The following YWHAQ variants were observed in gnomAD, a reference collection of about 807,000 sequenced individuals.
YWHAQ encodes 14-3-3 protein theta.
Under a neutral mutation model 28.3 loss-of-function variants are expected in YWHAQ, and 6 were observed. The observed-to-expected ratio is 0.21, with a 90% CI of 0.12 to 0.42. The LOEUF is 0.42. Ranked by LOEUF, YWHAQ falls within the 10% of genes least tolerant of loss-of-function variation. The probability of loss-of-function intolerance (pLI) is 1.00; values close to 1 mark genes in which losing one functional copy is unlikely to be tolerated. For missense variants in YWHAQ, 201 were observed against 305.6 expected, an observed-to-expected ratio of 0.66 and a Z score of 2.55; for synonymous variants, 143 against 119.1, an observed-to-expected ratio of 1.20 and a Z score of -1.31.
intron 2 of YWHAQ, among the ~76,000 whole-genome samples, chr2:9,607,195 ACTTTTTTTTTT>A (rs1483014410): frequency 1.2e-3 from 150 of 128,824 alleles, no homozygotes; most frequent in African/African-American, 3.9e-3. Context: ...TTTTTCTATT[ACTTTTTTTTTT>A]CTTTTTTTTT....
At chr2:9,591,068 C>T (rs918473431) in intron 3 of YWHAQ, among the ~76,000 whole-genome samples, 1 of 152,152 alleles carries the variant, frequency 6.6e-6, no homozygotes, top group Non-Finnish European at 1.5e-5. Context: ...CAGAATCACT[C>T]ATAAAGTTTA....
At chr2:9,609,295 TA>T (rs757915759) in intron 2 of YWHAQ, among the ~76,000 whole-genome samples, 7 of 148,556 alleles carry the variant, frequency 4.7e-5, no homozygotes, top group East Asian at 3.9e-4. Flanking sequence ...GCTTTTAGAA[TA>T]AAAAAAAATG....
At chr2:9,602,856 AAAAAAAATATATATATATATATATATAT>A (rs1375722530) in intron 2 of YWHAQ, among the ~76,000 whole-genome samples, 3 of 13,112 alleles carry the variant, frequency 2.3e-4, no homozygotes, top group African/African-American at 8.7e-4. Context: ...AAAAAAAAAA[AAAAAAAATATATATATATATATATATAT>A]ATATATATAT....
chr2:9,621,318 T>A lies in YWHAQ; in HGVS notation c.294+8841A>T, dbSNP rs78937616. 3.6e-3 allele frequency among the ~76,000 whole-genome samples: 543 copies of A among 152,258 alleles called. 5 individuals are homozygous for A. Among genetic ancestry groups the A allele is most frequent in the African/African-American group, 0.012 (517 of 41,544 alleles). ...AAAAAGTGATGGTGCCAGTGATGTC[T>A]CCTAAGTGGGGATCAATACCGTTCT... On this transcript the variant is annotated intron_variant, in intron 2 of 5. Coordinates refer to ENST00000238081, the MANE Select transcript of YWHAQ (RefSeq NM_006826.4).
chr2:9,597,660 G>GA (rs796972453), intron 2 of YWHAQ, among the ~76,000 whole-genome samples: 2,180 of 141,984 alleles, frequency 0.015, 50 homozygotes, highest in African/African-American at 0.054. Flanking sequence ...AAAAGAAAAA[G>GA]AAAAAAAAAT....
At position 9,584,557 on chromosome 2, in the gene YWHAQ, T is replaced by C. The variant is rs1666306972; in HGVS notation, c.*729A>G. 1 of 152,680 alleles carries C rather than the reference T, an allele frequency of 6.5e-6. No individual in the cohort carries two copies. Among genetic ancestry groups the C allele is most frequent in the African/African-American group, 2.4e-5 (1 of 41,462 alleles). The allele number at this position is 152,680 out of a possible 1,614,324, so 9.5% of individuals were successfully genotyped here. A position where few individuals can be genotyped will look rare whatever the true frequency, so the allele number is the denominator to read the frequency against. The stretch of plus-strand genomic sequence containing the variant: ...TTTGCCAAAAGCAATGCTTGTATTC[T>C]GGCAGCAACATGCTACTTCTATCAC... On this transcript the variant is annotated 3_prime_UTR_variant, in exon 6 of 6. Transcript: ENST00000238081.
At chr2:9,605,556 TTTG>T (rs1312390980) in intron 2 of YWHAQ, among the ~76,000 whole-genome samples, 21 of 152,260 alleles carry the variant, frequency 1.4e-4, no homozygotes, top group African/African-American at 2.6e-4. Context: ...GTACATTCTT[TTTG>T]TTGTTGTTGT....
At chr2:9,621,224 G>A (rs184122674) in intron 2 of YWHAQ, among the ~76,000 whole-genome samples, 193 of 152,166 alleles carry the variant, frequency 1.3e-3, no homozygotes, top group Non-Finnish European at 2.2e-3. Context: ...CCCAGAGTAT[G>A]GCCAATTAAG....
Position 9,591,475 on chromosome 2 carries a change from G to A in YWHAQ, c.335C>T (p.Pro112Leu), listed in dbSNP as rs1305026555. The A allele has an allele frequency of 1.2e-6, 2 of 1,609,676 alleles. No homozygotes were observed. The highest frequency in any genetic ancestry group is 1.7e-6 in the Non-Finnish European group (2 of 1,176,878). The change falls in exon 3 of 6, where the codon CCA becomes CTA. Residue 112 changes from proline to leucine, a missense_variant. Physicochemically the swap from Pro to Leu is moderately conservative, Grantham distance 98. Around this residue, in one of 2 missense-constraint regions of YWHAQ, gnomAD observed 162 missense variants for 213.9 expected, o/e 0.76. Coordinates refer to ENST00000238081, the MANE Select transcript of YWHAQ (RefSeq NM_006826.4). Reference protein sequence around the residue: ...DKYLIANATNPESKVFYLKMK... With the variant: ...DKYLIANATNLESKVFYLKMK... ...TTTCAGATAGAAGACCTTACTCTCT[G>A]GATTAGTTGCATTGGCTATTAAATA... is the stretch of plus-strand genomic sequence containing the variant.
intron 2 of YWHAQ, among the ~76,000 whole-genome samples, chr2:9,602,559 T>C (rs901108672): frequency 6.6e-6 from 1 of 150,904 alleles, no homozygotes; most frequent in Admixed American, 6.6e-5. Context: ...TACAGGTGAG[T>C]CCCACCACCC....
chr2:9,611,537 T>C (rs559034135), intron 2 of YWHAQ, among the ~76,000 whole-genome samples: 1 of 152,280 alleles, frequency 6.6e-6, no homozygotes, highest in East Asian at 1.9e-4. Flanking sequence ...ACAAGAGTAA[T>C]GCTAACCCTC....
chr2:9,596,308 C>T (rs913034254), intron 2 of YWHAQ, among the ~76,000 whole-genome samples: 7 of 151,622 alleles, frequency 4.6e-5, no homozygotes, highest in African/African-American at 1.7e-4. Flanking sequence ...ACAATCCTAC[C>T]GTCACTTCAA....
At chr2:9,597,561 G>A (rs972179802) in intron 2 of YWHAQ, among the ~76,000 whole-genome samples, 3 of 146,518 alleles carry the variant, frequency 2.0e-5, no homozygotes, top group African/African-American at 7.7e-5. Flanking sequence ...CAGGAGAATC[G>A]CTTGAAACTG....
chr2:9,602,593 G>A (rs985132041), intron 2 of YWHAQ, among the ~76,000 whole-genome samples: 11 of 151,012 alleles, frequency 7.3e-5, no homozygotes, highest in Non-Finnish European at 1.2e-4. Context: ...AGCCTGGAAC[G>A]GAGTGCAGTG....
intron 2 of YWHAQ, among the ~76,000 whole-genome samples, chr2:9,600,536 T>A (rs1666672048): frequency 6.6e-6 from 1 of 151,860 alleles, no homozygotes; most frequent in Non-Finnish European, 1.5e-5. Flanking sequence ...AGAAACCCCA[T>A]CTCTACTAAA....
At chr2:9,593,976 A>AACACACACAC (rs371022884) in intron 2 of YWHAQ, among the ~76,000 whole-genome samples, 20 of 145,852 alleles carry the variant, frequency 1.4e-4, no homozygotes, top group Non-Finnish European at 2.7e-4. Context: ...AGGAAGTTAA[A>AACACACACAC]ACACACACAC....
chr2:9,612,120 TCA>T (rs973063414), intron 2 of YWHAQ, among the ~76,000 whole-genome samples: 5 of 152,366 alleles, frequency 3.3e-5, no homozygotes, highest in South Asian at 2.1e-4. Context: ...TTTCACCTTT[TCA>T]CAGTGTCACA....
At chr2:9,628,578 A>C (rs1035816169) in intron 2 of YWHAQ, 1 of 152,268 alleles carries the variant, frequency 6.6e-6, no homozygotes, top group African/African-American at 2.4e-5. Flanking sequence ...ATATGCTGTA[A>C]GAGTATCCAA....
chr2:9,593,905 A>AAAAAATAT (rs1205661739), intron 2 of YWHAQ, among the ~76,000 whole-genome samples: 168 of 127,616 alleles, frequency 1.3e-3, no homozygotes, highest in African/African-American at 5.0e-3. Flanking sequence ...GATTAAAAAA[A>AAAAAATAT]ATATATATAT....
Sources: gnomAD v4.1 joint callset for allele counts (sites outside exome capture counted in the v4.1 genomes callset) on GRCh38, gnomAD v4.1.1 for gene constraint, gnomAD v4.1.1 regional missense constraint, MANE v1.5 for transcripts, NCBI Gene and HGNC (gene_info 2026-07-23, HGNC 2026-07-21) for gene names.